SARDH: variants seen among roughly 807,000 people sequenced by gnomAD.
SARDH encodes the protein sarcosine dehydrogenase, also known as sarcosine dehydrogenase, mitochondrial.
Under a neutral mutation model 109.1 loss-of-function variants are expected in SARDH, and 95 were observed. The observed-to-expected ratio is 0.87, with a 90% confidence interval of 0.74 to 1.03. The LOEUF (loss-of-function observed/expected upper bound fraction) is 1.03. SARDH is among the 50% of genes least tolerant of loss of function. The pLI, the probability that SARDH is intolerant of heterozygous loss-of-function variation, is 0.00. For missense variants in SARDH, 1,267 were observed against 1,287.8 expected (o/e 0.98, Z 0.25); for synonymous variants, 572 against 534.8 (o/e 1.07, Z -0.96).
intron 1 of SARDH, among the ~76,000 whole-genome samples, chr9:133,736,879 A>G (rs1289672782): frequency 6.6e-6 from 1 of 152,238 alleles, no homozygotes; most frequent in Non-Finnish European, 1.5e-5. Context: ...AGTATGAATG[A>G]CTGATATAAT....
At chr9:133,733,801 T>C in intron 2 of SARDH, 42 bp downstream of exon 2, 1 of 1,418,020 alleles carries the variant, frequency 7.1e-7, no homozygotes, top group South Asian at 1.6e-5. Flanking sequence ...CCCCTCGCTA[T>C]GTCCTATCCT....
chr9:133,667,195 T>G (rs10993955), intron 19 of SARDH: 2,674 of 27,176 alleles, frequency 0.098, 80 homozygotes, highest in East Asian at 0.37. Flanking sequence ...TCAACTCTGG[T>G]TTTTTTTTTT....
At chr9:133,731,955 A>G (rs1478701557) in intron 3 of SARDH, among the ~76,000 whole-genome samples, 1 of 152,196 alleles carries the variant, frequency 6.6e-6, no homozygotes, top group Non-Finnish European at 1.5e-5. Context: ...ACGCCCCCAC[A>G]TTTGATTGGC....
chr9:133,674,352 T>C (rs1013782958), intron 17 of SARDH, among the ~76,000 whole-genome samples: 2 of 152,324 alleles, frequency 1.3e-5, no homozygotes, highest in Admixed American at 6.5e-5. Context: ...ACCAAGCACA[T>C]GGTCCCGGCA....
intron 17 of SARDH, among the ~76,000 whole-genome samples, chr9:133,676,595 C>CG (rs759233199): frequency 6.6e-6 from 1 of 152,078 alleles, no homozygotes; most frequent in Admixed American, 6.5e-5. Flanking sequence ...CAGGGGAGGC[C>CG]GGGGGGTGTA....
chr9:133,667,012 A>T (rs2073836), intron 19 of SARDH, 142 bp from the exon 20 acceptor site: 366,952 of 1,132,638 alleles, frequency 0.32, 61,531 homozygotes, highest in East Asian at 0.47. Context: ...TACTAGGACT[A>T]CGCTGGTCCC....
In SARDH at chr9:133,729,772, C is replaced by T. The variant is rs763090690; in HGVS notation, c.908G>A (p.Gly303Glu). 1.2e-6 allele frequency: 2 copies of T among 1,612,424 alleles called. No homozygotes were observed. Among genetic ancestry groups the T allele is most frequent in the South Asian group, 1.1e-5 (1 of 91,062 alleles). The change falls in exon 6 of 21, where the codon GGG becomes GAG. Residue 303 changes from glycine to glutamate, a missense_variant. Gly to Glu is a moderately conservative substitution (Grantham distance 98). Coordinates refer to ENST00000439388, the MANE Select transcript of SARDH (RefSeq NM_001134707.2). Reference protein sequence around the residue: ...HAYVVTERIEGIQNMPNVRDH... With the variant: ...HAYVVTERIEEIQNMPNVRDH... ...CCGGGGCTGTCCACCTACCTGAATC[C>T]CCTCGATGCGCTCGGTGACGACATA...
intron 8 of SARDH, among the ~76,000 whole-genome samples, chr9:133,713,417 GC>G (rs758375529): frequency 3.0e-4 from 45 of 152,198 alleles, no homozygotes; most frequent in Non-Finnish European, 5.9e-4. Flanking sequence ...CCGACAAGGA[GC>G]CCTTCTCTGA....
Position 133,733,916 on chromosome 9 carries a change from G to A in SARDH, c.258C>T (p.Ala86=), listed in dbSNP as rs1436305019. ...GCACCGCCCCACTCATGCCCAGCTTGGCCAGGTGGTACAGGGTCTGGCAGC... is the reference window on the plus strand; with the variant it reads ...GCACCGCCCCACTCATGCCCAGCTTAGCCAGGTGGTACAGGGTCTGGCAGC... ...SLGCQTLYHL[A]KLGMSGAVLL... is the part of the protein sequence containing the mutation. Residue 86 remains alanine (A), a synonymous_variant, in exon 2 of 21, where the codon GCC becomes GCT. Coordinates refer to ENST00000439388, the MANE Select transcript of SARDH (RefSeq NM_001134707.2). 9 of 1,563,708 alleles carry A rather than the reference G, an allele frequency of 5.8e-6. No homozygotes were observed. Among genetic ancestry groups the A allele is most frequent in the Non-Finnish European group, 7.8e-6 (9 of 1,154,088 alleles).
chr9:133,660,720 A>C (rs997966750), downstream of SARDH, among the ~76,000 whole-genome samples: 4 of 151,974 alleles, frequency 2.6e-5, no homozygotes, highest in African/African-American at 9.7e-5. Context: ...ACAACCCCCC[A>C]TCTGTGAGGT....
chr9:133,738,409 G>C (rs1296907689), upstream of SARDH: 1 of 152,124 alleles, frequency 6.6e-6, no homozygotes, highest in African/African-American at 2.4e-5. Context: ...CCAGGATCTG[G>C]GCGGAGCGTA....
Position 133,690,440 on chromosome 9 carries a change from T to G in SARDH, c.2009A>C (p.Gln670Pro). Residue 670 changes from glutamine (Q) to proline (P), a missense_variant, in exon 16 of 21, where the codon CAG becomes CCG. By Grantham distance (76) the Gln-to-Pro change is moderately conservative. Coordinates refer to ENST00000439388, the MANE Select transcript of SARDH (RefSeq NM_001134707.2). ...CTCGGAGCTGTCGATGAGCTGGCAC[T>G]GGGACTTCTGGTCCTGCAGCACGGT... The part of the protein sequence containing the change: ...ITTVLQDQKS[Q>P]CQLIDSSEDL... 1 of 1,613,256 alleles carries G rather than the reference T, an allele frequency of 6.2e-7. No homozygotes were observed. The highest frequency in any genetic ancestry group is 1.7e-4 in the Middle Eastern group (1 of 6,060).
At chr9:133,665,018 C>T (rs1189812003) in intron 20 of SARDH, among the ~76,000 whole-genome samples, 2 of 152,210 alleles carry the variant, frequency 1.3e-5, no homozygotes, top group East Asian at 1.9e-4. Flanking sequence ...CAGAAACCTC[C>T]GTTACCCCAC....
chr9:133,702,705 CTGGCAAAATCT>C (rs1356047581), intron 13 of SARDH, among the ~76,000 whole-genome samples, 200 bp downstream of exon 13: 1 of 137,458 alleles, frequency 7.3e-6, no homozygotes, highest in Non-Finnish European at 1.7e-5. Context: ...GGCCTGGCTG[CTGGCAAAATCT>C]CGGCACAGAG....
rs932403532 is a variant in SARDH at position 133,712,404 on chromosome 9, G to C, written c.1328+215C>G. ...GCTCAGGCAGGACCCTGGGACAAGA[G>C]ATCTTCAAAGCTGTAAAGGGGCGTG... On this transcript the variant is annotated intron_variant, in intron 10 of 20. Coordinates refer to ENST00000439388, the MANE Select transcript of SARDH (RefSeq NM_001134707.2). This position sits in a 1 kb window ranked among gnomAD's most constrained non-coding sequence, Gnocchi z 4.1. 6.6e-6 allele frequency among the ~76,000 whole-genome samples: 1 copy of C among 152,034 alleles called. No homozygotes were observed. Among genetic ancestry groups the C allele is most frequent in the African/African-American group, 2.4e-5 (1 of 41,404 alleles).
intron 15 of SARDH, among the ~76,000 whole-genome samples, chr9:133,691,177 C>CAT (rs1831081833): frequency 7.2e-6 from 1 of 139,742 alleles, no homozygotes; most frequent in Non-Finnish European, 1.5e-5. Flanking sequence ...CCAACACACA[C>CAT]ACACACACAC....
At chr9:133,710,281 T>C (rs1283721410) in intron 10 of SARDH, among the ~76,000 whole-genome samples, 1 of 152,228 alleles carries the variant, frequency 6.6e-6, no homozygotes, top group Non-Finnish European at 1.5e-5. Flanking sequence ...CAGGAGCGAC[T>C]GACCAAGGGC....
intron 13 of SARDH, among the ~76,000 whole-genome samples, chr9:133,701,943 G>A (rs933961990): frequency 1.3e-5 from 2 of 152,198 alleles, no homozygotes; most frequent in South Asian, 2.1e-4. Flanking sequence ...GAACCCAAGC[G>A]GGGCCCTTCA....
At position 133,728,047 on chromosome 9, in the gene SARDH, C is replaced by T. The variant is rs1458509596; in HGVS notation, c.915+1718G>A. ...AGGGGAGGAGGCTCTCCCCAGGGAC[C>T]CGGAGCCAGGGAGGAGGCCTCAGCA... On this transcript the variant is annotated intron_variant, in intron 6 of 20. Transcript: ENST00000439388. The surrounding 1 kb of genome is among the most constrained non-coding windows in gnomAD (Gnocchi z 5.0). Among the ~76,000 whole-genome samples the T allele has an allele frequency of 6.6e-6, 1 of 152,072 alleles. No homozygotes were observed. Among genetic ancestry groups the T allele is most frequent in the Non-Finnish European group, 1.5e-5 (1 of 67,992 alleles).
Sources: allele counts gnomAD v4.1 joint callset (sites outside exome capture counted in the v4.1 genomes callset), GRCh38; gene constraint gnomAD v4.1.1; non-coding constraint Gnocchi (gnomAD v3.1); transcripts MANE v1.5; gene names NCBI Gene and HGNC (gene_info 2026-07-23, HGNC 2026-07-21).